Variants in CDH20 observed in about 807,000 individuals in gnomAD.
CDH20 encodes cadherin 20, also known as cadherin-20.
A neutral mutation model predicts 74.2 loss-of-function variants in CDH20; 29 were observed. That is an observed-to-expected ratio of 0.39 (90% CI 0.29 to 0.53). The LOEUF (loss-of-function observed/expected upper bound fraction) is 0.53, where lower values mean the gene tolerates loss of function less well. CDH20 is among the 20% of genes least tolerant of loss of function. The probability of loss-of-function intolerance (pLI) is 0.69; values close to 1 mark genes in which losing one functional copy is unlikely to be tolerated. For synonymous variants in CDH20, 469 were observed against 405.4 expected, an observed-to-expected ratio of 1.16 and a Z score of -1.88; for missense variants, 988 against 1,048.3, an observed-to-expected ratio of 0.94 and a Z score of 0.79.
intron 1 of CDH20, among the ~76,000 whole-genome samples, chr18:61,414,943 A>G (rs1912636901): frequency 6.6e-6 from 1 of 152,122 alleles, no homozygotes; most frequent in African/African-American, 2.4e-5. Context: ...TCGTATTTCC[A>G]AACTGAAATT....
chr18:61,539,180 C>A, intron 9 of CDH20, 35 bp downstream of exon 9: 1 of 1,601,790 alleles, frequency 6.2e-7, no homozygotes, highest in Non-Finnish European at 8.5e-7. Context: ...CTCTGCTTAA[C>A]CCCTAACTTC....
chr18:61,486,284 C>G (rs971383437), intron 1 of CDH20, among the ~76,000 whole-genome samples: 1 of 152,136 alleles, frequency 6.6e-6, no homozygotes, highest in Non-Finnish European at 1.5e-5. Context: ...CATACACAAA[C>G]AAATCCAGAA....
chr18:61,369,615 G>A (rs975635250), intron 1 of CDH20, among the ~76,000 whole-genome samples: 2 of 151,962 alleles, frequency 1.3e-5, no homozygotes, highest in African/African-American at 2.4e-5. Context: ...ACATGCACAC[G>A]TATGTTCATT....
chr18:61,490,439 T>C lies in CDH20; in HGVS notation c.-115T>C, dbSNP rs910070273. 2 of 1,004,188 alleles carry C rather than the reference T, an allele frequency of 2.0e-6. No homozygotes were observed. Among genetic ancestry groups the C allele is most frequent in the Non-Finnish European group, 3.0e-6 (2 of 673,496 alleles). 62.2% of individuals were successfully genotyped at this position (1,004,188 alleles called of 1,614,324 possible). ...AAGCAGATTGACTTGAAACGGGATC[T>C]CATTTAGGAAGCATAAGTGTCCAAT... On this transcript the variant is annotated 5_prime_UTR_variant, in exon 2 of 12. Transcript: ENST00000262717.
chr18:61,425,911 G>T (rs927124806), intron 1 of CDH20, among the ~76,000 whole-genome samples: 1 of 152,126 alleles, frequency 6.6e-6, no homozygotes, highest in African/African-American at 2.4e-5. Context: ...TTCCATGTTC[G>T]TGGATTGGAA....
At chr18:61,443,343 T>C (rs1909093615) in intron 1 of CDH20, among the ~76,000 whole-genome samples, 1 of 152,112 alleles carries the variant, frequency 6.6e-6, no homozygotes, top group East Asian at 1.9e-4. Context: ...TTTTGCTATG[T>C]AGGAATATGG....
chr18:61,474,656 A>C (rs1222757338), intron 1 of CDH20, among the ~76,000 whole-genome samples: 1 of 152,112 alleles, frequency 6.6e-6, no homozygotes, highest in African/African-American at 2.4e-5. Flanking sequence ...ATTCAACTCC[A>C]AGTTTTATTA....
Position 61,550,220 on chromosome 18 carries a change from G to A in CDH20, c.1891G>A (p.Val631Ile), listed in dbSNP as rs1191280214. Residue 631 changes from valine (V) to isoleucine (I), a missense_variant, in exon 11 of 12, where the codon GTC (valine) becomes ATC (isoleucine). Val to Ile is a conservative substitution (Grantham distance 29). Transcript: ENST00000262717. Reference protein sequence around the residue: ...ALIAILACIFVLLVLVLLILS... With the variant: ...ALIAILACIFILLVLVLLILS... ...CATTGCCATCCTCGCCTGCATCTTT[G>A]TCCTCTTAGGTGAGTAAGGGGCTGC... The A allele has an allele frequency of 1.9e-6, 3 of 1,613,020 alleles. No homozygotes were observed. The highest frequency in any genetic ancestry group is 1.3e-5 in the African/African-American group (1 of 74,922).
At chr18:61,510,218 C>T (rs570163561) in intron 6 of CDH20, among the ~76,000 whole-genome samples, 21 of 152,104 alleles carry the variant, frequency 1.4e-4, no homozygotes, top group Non-Finnish European at 2.2e-4. Context: ...GACAGTGAAA[C>T]GAGCCCTGAG....
intron 1 of CDH20, among the ~76,000 whole-genome samples, chr18:61,346,403 C>A (rs1381984810): frequency 1.3e-5 from 2 of 152,032 alleles, no homozygotes; most frequent in South Asian, 2.1e-4. Flanking sequence ...AATATTTATA[C>A]CAAATTGAAG....
At chr18:61,394,918 C>A (rs1026593641) in intron 1 of CDH20, among the ~76,000 whole-genome samples, 11 of 151,896 alleles carry the variant, frequency 7.2e-5, no homozygotes, top group East Asian at 5.9e-4. Flanking sequence ...TCCACCTTTT[C>A]TTAGAATGGT....
rs529434756 is a variant in CDH20, at chr18:61,369,418, A to T, written c.-153+35591A>T. Among the ~76,000 whole-genome samples the T allele has an allele frequency of 9.2e-5, 14 of 152,262 alleles. No individual in the cohort carries two copies. In the East Asian group the frequency reaches 2.7e-3, roughly 29 times the overall value. On this transcript the variant is annotated intron_variant, in intron 1 of 11. Transcript: ENST00000262717. ...TAACTCGAAGCATAATATATATTCAAACTAAATAATCTAAAAATACCCAGC... is the reference window on the plus strand; with the variant it reads ...TAACTCGAAGCATAATATATATTCATACTAAATAATCTAAAAATACCCAGC...
rs565361228 is a variant in CDH20, at chr18:61,364,415, C to T, written c.-153+30588C>T. 7.2e-5 allele frequency among the ~76,000 whole-genome samples: 11 copies of T among 152,284 alleles called. No homozygotes were observed. The South Asian group carries it at 1.9e-3, about 26-fold the overall frequency. On this transcript the variant is annotated intron_variant, in intron 1 of 11. Coordinates refer to ENST00000262717, the MANE Select transcript of CDH20 (RefSeq NM_031891.4). ...ACAACCTCCACCTCCCCCATTCAAG[C>T]GATTCTCCTGCCTTAGCCTCCCTAG... is the stretch of plus-strand genomic sequence containing the variant.
rs149877897 is a variant in CDH20 at position 61,388,055 on chromosome 18, G to A, written c.-153+54228G>A. ...AGACAGATTTTATAGCTAGCTATAC[G>A]GTAGTGTAAAGAGTGCTATACCTAC... On this transcript the variant is annotated intron_variant, in intron 1 of 11. Coordinates refer to ENST00000262717, the MANE Select transcript of CDH20 (RefSeq NM_031891.4). Among the ~76,000 whole-genome samples, 114 of 152,194 alleles carry A rather than the reference G, an allele frequency of 7.5e-4. 2 individuals are homozygous for A. Among genetic ancestry groups the A allele is most frequent in the African/African-American group, 2.3e-3 (95 of 41,536 alleles).
At chr18:61,506,325 T>G (rs531216726) in intron 5 of CDH20, among the ~76,000 whole-genome samples, 1 of 152,310 alleles carries the variant, frequency 6.6e-6, no homozygotes, top group Admixed American at 6.5e-5. Context: ...AGTACAAACT[T>G]TAAAGATTTC....
rs777777577 is a variant in CDH20 at position 61,554,405 on chromosome 18, G to C, written c.2116G>C (p.Glu706Gln). ...KTRQDMLPEI[E>Q]SLSRYVPQTC... ...GCGGCAGGACATGCTGCCCGAGATC[G>C]AGAGCCTCTCCCGCTACGTGCCTCA... Residue 706 changes from glutamate to glutamine, a missense_variant, in exon 12 of 12, where the codon GAG (glutamate) becomes CAG (glutamine). Physicochemically the swap from Glu to Gln is conservative, Grantham distance 29. This residue lies in a region of CDH20 where 375 missense variants were observed against 293.1 expected (regional missense o/e 1.28). Transcript: ENST00000262717. The C allele has an allele frequency of 4.3e-6, 7 of 1,612,838 alleles. No individual in the cohort carries two copies. Among genetic ancestry groups the C allele is most frequent in the Non-Finnish European group, 5.1e-6 (6 of 1,179,726 alleles).
At chr18:61,412,504 G>A (rs991139044) in intron 1 of CDH20, among the ~76,000 whole-genome samples, 1 of 151,966 alleles carries the variant, frequency 6.6e-6, no homozygotes, top group Admixed American at 6.6e-5. Context: ...ACAGATACAT[G>A]TCCAAAAAAG....
chr18:61,466,278 T>C (rs1307915395), intron 1 of CDH20, among the ~76,000 whole-genome samples: 1 of 152,210 alleles, frequency 6.6e-6, no homozygotes, highest in Non-Finnish European at 1.5e-5. Flanking sequence ...CCTGTTAGTA[T>C]AGTTGTACTT....
chr18:61,552,629 C>A lies in CDH20; in HGVS notation c.1901-1561C>A, dbSNP rs949994952. Among the ~76,000 whole-genome samples, 9 of 152,150 alleles carry A rather than the reference C, an allele frequency of 5.9e-5. 1 individual carries two copies. The highest frequency in any genetic ancestry group is 5.9e-4 in the Admixed American group (9 of 15,274). ...AATTCACTGGCCCTGCCTCTGTACT[C>A]TCCCAGTGACACTTGTGGCTCTAAC... On this transcript the variant is annotated intron_variant, in intron 11 of 11. Transcript: ENST00000262717.
Sources: gnomAD v4.1 joint callset for allele counts (sites outside exome capture counted in the v4.1 genomes callset) on GRCh38, gnomAD v4.1.1 for gene constraint, gnomAD v4.1.1 regional missense constraint, MANE v1.5 for transcripts, NCBI Gene and HGNC (gene_info 2026-07-23, HGNC 2026-07-21) for gene names.